The following GRM5 variants were observed in gnomAD, a reference collection of about 807,000 sequenced individuals.
GRM5 encodes the protein metabotropic glutamate receptor 5.
GRM5 carries 19 observed loss-of-function variants against 83.1 expected under a neutral mutation model. The observed-to-expected ratio is 0.23, with a 90% CI of 0.16 to 0.34. The LOEUF is 0.34. GRM5 is among the 10% of genes least tolerant of loss of function. The pLI is 1.00. For synonymous variants in GRM5, 675 were observed against 633.6 expected (o/e 1.07, Z -0.98); for missense variants, 1,160 against 1,588.3 (o/e 0.73, Z 4.58).
chr11:88,623,272 TTTTTTGTA>T (rs1339093354), intron 4 of GRM5, among the ~76,000 whole-genome samples: 5 of 151,320 alleles, frequency 3.3e-5, no homozygotes, highest in Admixed American at 6.6e-5. Context: ...TTTTTAGTAT[TTTTTTGTA>T]TTTTTGTATT....
intron 3 of GRM5, among the ~76,000 whole-genome samples, chr11:88,739,346 C>A (rs1218272762): frequency 1.3e-5 from 2 of 152,056 alleles, no homozygotes; most frequent in Admixed American, 1.3e-4. Flanking sequence ...AATCCATTGA[C>A]CTTTTTCAAA....
chr11:88,704,956 T>C (rs1591453003), intron 3 of GRM5, among the ~76,000 whole-genome samples: 1 of 152,134 alleles, frequency 6.6e-6, no homozygotes, highest in Admixed American at 6.6e-5. Context: ...TTTTCCTTTA[T>C]TTTGTAATTT....
chr11:88,639,630 C>T (rs1408022214), intron 4 of GRM5, among the ~76,000 whole-genome samples: 1 of 151,696 alleles, frequency 6.6e-6, no homozygotes, highest in South Asian at 2.1e-4. Context: ...CACTGTCACC[C>T]AGGCTGGAGT....
At chr11:88,590,792 C>A in intron 6 of GRM5, 65 bp from the exon 7 acceptor site, 3 of 1,306,244 alleles carry the variant, frequency 2.3e-6, no homozygotes, top group Non-Finnish European at 3.3e-6. Flanking sequence ...ATTCTATATT[C>A]CAATGTGCTG....
intron 2 of GRM5, among the ~76,000 whole-genome samples, chr11:88,918,439 A>C (rs888009615): frequency 6.6e-6 from 1 of 151,842 alleles, no homozygotes; most frequent in African/African-American, 2.4e-5. Flanking sequence ...AATAATAATA[A>C]ATAAATTAAT....
intron 2 of GRM5, among the ~76,000 whole-genome samples, chr11:88,973,917 A>T (rs1306616361): frequency 6.6e-6 from 1 of 152,162 alleles, no homozygotes; most frequent in African/African-American, 2.4e-5. Context: ...TAAAAATTAG[A>T]AGATTAAGTA....
chr11:88,747,023 T>C (rs1942159618), intron 3 of GRM5, among the ~76,000 whole-genome samples: 1 of 152,176 alleles, frequency 6.6e-6, no homozygotes, highest in African/African-American at 2.4e-5. Flanking sequence ...ATTCACAAAG[T>C]AAGTATACTG....
intron 3 of GRM5, among the ~76,000 whole-genome samples, chr11:88,758,198 G>A (rs991037004): frequency 1.3e-5 from 2 of 152,188 alleles, no homozygotes; most frequent in African/African-American, 4.8e-5. Flanking sequence ...GCAAATCACT[G>A]CACTACCTCT....
At chr11:88,787,115 TATG>T (rs1943085794) in intron 3 of GRM5, among the ~76,000 whole-genome samples, 1 of 144,536 alleles carries the variant, frequency 6.9e-6, no homozygotes, top group East Asian at 2.0e-4. Flanking sequence ...TATTTAAAAA[TATG>T]ATATATGATA....
intron 3 of GRM5, among the ~76,000 whole-genome samples, chr11:88,836,766 GCTTGGGTGATAGAGTGAGTGA>G (rs1944102095): frequency 3.3e-5 from 5 of 152,090 alleles, no homozygotes; most frequent in Non-Finnish European, 5.9e-5. Flanking sequence ...CTGCACTCCA[GCTTGGGTGATAGAGTGAGTGA>G]GATTCTGTCT....
At chr11:88,961,204 G>C (rs747728468) in intron 2 of GRM5, among the ~76,000 whole-genome samples, 1 of 152,092 alleles carries the variant, frequency 6.6e-6, no homozygotes, top group Non-Finnish European at 1.5e-5. Context: ...CCAAAAGTAG[G>C]CACCATATAT....
At chr11:88,644,855 G>A (rs992260) in intron 4 of GRM5, among the ~76,000 whole-genome samples, 103,423 of 151,884 alleles carry the variant, frequency 0.68, 41,151 homozygotes, top group Non-Finnish European at 0.9. Flanking sequence ...AAAGCTTGTA[G>A]AGGAGTGGGA....
intron 5 of GRM5, among the ~76,000 whole-genome samples, chr11:88,602,718 T>C (rs1455199844): frequency 6.6e-6 from 1 of 152,236 alleles, no homozygotes; most frequent in East Asian, 1.9e-4. Context: ...AAATTTTGAC[T>C]CTATCATTTA....
rs1234998694 is a variant in GRM5 at position 89,005,807 on chromosome 11, T to A, written c.661+41405A>T. Among the ~76,000 whole-genome samples the A allele has an allele frequency of 3.3e-5, 5 of 152,206 alleles. No individual in the cohort carries two copies. The East Asian group carries it at 7.7e-4, about 23-fold the overall frequency. ...TTTGAGGGCTTGATTTAAATGGTTA[T>A]CACAAGCATTCATTTAATTTAAATT... On this transcript the variant is annotated intron_variant, in intron 2 of 9. Coordinates refer to ENST00000305447, the MANE Select transcript of GRM5 (RefSeq NM_001143831.3).
At chr11:88,609,443 G>A (rs1938257232) in intron 4 of GRM5, among the ~76,000 whole-genome samples, 1 of 152,110 alleles carries the variant, frequency 6.6e-6, no homozygotes, top group African/African-American at 2.4e-5. Context: ...TTGATTACAT[G>A]TATTTGCTAT....
At chr11:88,541,110 G>A (rs1204528341) in intron 8 of GRM5, among the ~76,000 whole-genome samples, 1 of 152,012 alleles carries the variant, frequency 6.6e-6, no homozygotes, top group African/African-American at 2.4e-5. Flanking sequence ...CCTGGTATTA[G>A]GATAACGTTT....
At chr11:88,824,192 G>A (rs1258813056) in intron 3 of GRM5, among the ~76,000 whole-genome samples, 1 of 152,140 alleles carries the variant, frequency 6.6e-6, no homozygotes, top group African/African-American at 2.4e-5. Flanking sequence ...AAAAAACCCT[G>A]AAATTAAATG....
At chr11:88,980,636 CATGGTGAG>C (rs1406378804) in intron 2 of GRM5, among the ~76,000 whole-genome samples, 1 of 152,044 alleles carries the variant, frequency 6.6e-6, no homozygotes, top group Non-Finnish European at 1.5e-5. Context: ...TCCTGGCTAA[CATGGTGAG>C]CCCCCGTCTC....
intron 3 of GRM5, among the ~76,000 whole-genome samples, chr11:88,725,140 A>C (rs958660464): frequency 6.6e-6 from 1 of 152,154 alleles, no homozygotes; most frequent in Non-Finnish European, 1.5e-5. Context: ...GCTGGTTTAA[A>C]ATTCTTGCCA....
Sources: gnomAD v4.1 joint callset for allele counts (sites outside exome capture counted in the v4.1 genomes callset) on GRCh38, gnomAD v4.1.1 for gene constraint, MANE v1.5 for transcripts, NCBI Gene and HGNC (gene_info 2026-07-23, HGNC 2026-07-21) for gene names.